The following PCSK5 variants were observed in gnomAD, a reference collection of about 807,000 sequenced individuals.
PCSK5 encodes proprotein convertase subtilisin/kexin type 5, also known as prohormone convertase 5.
A neutral mutation model predicts 233.2 loss-of-function variants in PCSK5; 129 were observed. The observed-to-expected ratio is 0.55, with a 90% confidence interval of 0.48 to 0.64. The LOEUF (loss-of-function observed/expected upper bound fraction) is 0.64, where lower values mean the gene tolerates loss of function less well. Among genes scored for constraint, PCSK5 ranks in the 30% least tolerant of loss-of-function variants. The pLI is 0.00. For synonymous variants in PCSK5, 825 were observed against 879.2 expected, an observed-to-expected ratio of 0.94 and a Z score of 1.09; for missense variants, 2,076 against 2,430.1, an observed-to-expected ratio of 0.85 and a Z score of 3.06.
chr9:76,092,836 C>T (rs906514303), intron 7 of PCSK5, among the ~76,000 whole-genome samples: 12 of 152,126 alleles, frequency 7.9e-5, no homozygotes, highest in Admixed American at 7.9e-4. Context: ...CCCCTTTTGG[C>T]CATAACATTA....
At position 76,362,367 on chromosome 9, in the gene PCSK5, A is replaced by C. The variant is rs1830443710; in HGVS notation, c.*3445A>C. The C allele has an allele frequency of 6.6e-6, 1 of 152,236 alleles. No homozygotes were observed. The highest frequency in any genetic ancestry group is 6.5e-5 in the Admixed American group (1 of 15,284). 9.4% of individuals were successfully genotyped at this position (152,236 alleles called of 1,614,324 possible). ...TAATGCTATGGAGACTTACTTATTA[A>C]ATAACTTTCTGAGCATTTTTATGTG... On this transcript the variant is annotated 3_prime_UTR_variant, in exon 38 of 38. Coordinates refer to ENST00000674117, the MANE Select transcript of PCSK5 (RefSeq NM_001372043.1).
At chr9:76,145,095 A>G (rs1823392397) in intron 10 of PCSK5, among the ~76,000 whole-genome samples, 1 of 152,200 alleles carries the variant, frequency 6.6e-6, no homozygotes, top group Non-Finnish European at 1.5e-5. Context: ...GCTGCACTCC[A>G]GTCTGAGCGA....
chr9:76,190,918 C>G (rs1298238161), intron 20 of PCSK5, among the ~76,000 whole-genome samples: 25 of 152,166 alleles, frequency 1.6e-4, no homozygotes, highest in Non-Finnish European at 4.4e-5. Flanking sequence ...TAATCTGCAG[C>G]CAGGTTTGAG....
At chr9:76,341,536 C>T (rs1197243857) in intron 35 of PCSK5, among the ~76,000 whole-genome samples, 1 of 152,172 alleles carries the variant, frequency 6.6e-6, no homozygotes, top group South Asian at 2.1e-4. Context: ...TCAAGCAATC[C>T]TCCCATCTTG....
intron 30 of PCSK5, among the ~76,000 whole-genome samples, chr9:76,313,517 A>G (rs1429664253): frequency 6.6e-6 from 1 of 152,080 alleles, no homozygotes; most frequent in Non-Finnish European, 1.5e-5. Context: ...CATTTCCTAT[A>G]AATGGGATTA....
intron 1 of PCSK5, among the ~76,000 whole-genome samples, chr9:75,913,591 TTTTTAGATATAG>T (rs1382449650): frequency 6.6e-6 from 1 of 152,192 alleles, no homozygotes; most frequent in East Asian, 1.9e-4. Context: ...TTCCAATGAG[TTTTTAGATATAG>T]TTTTGTGCCC....
rs553383825 is a variant in PCSK5 at position 75,920,571 on chromosome 9, A to G, written c.193-11808A>G. Among the ~76,000 whole-genome samples, 31 of 152,194 alleles carry G rather than the reference A, an allele frequency of 2.0e-4. No homozygotes were observed. In the South Asian group the frequency reaches 5.2e-3, roughly 25 times the overall value. On this transcript the variant is annotated intron_variant, in intron 1 of 37. Transcript: ENST00000674117. ...TGTAGTCCCAGCACTTTGGGAGGCC[A>G]AGCTGGGAGGATTGCCTGAGCTCAG...
chr9:76,317,292 G>A (rs1449163036), intron 30 of PCSK5, among the ~76,000 whole-genome samples: 2 of 152,136 alleles, frequency 1.3e-5, no homozygotes, highest in South Asian at 4.1e-4. Context: ...CAACCCAGGA[G>A]GTAGAGGTTG....
chr9:76,240,959 G>A (rs142172457), intron 24 of PCSK5, among the ~76,000 whole-genome samples: 18 of 152,294 alleles, frequency 1.2e-4, no homozygotes, highest in Non-Finnish European at 2.1e-4. Flanking sequence ...TGAGTTGTTG[G>A]GGCTTACTGA....
intron 12 of PCSK5, among the ~76,000 whole-genome samples, chr9:76,168,196 G>A (rs942906730): frequency 7.9e-5 from 12 of 152,142 alleles, no homozygotes; most frequent in Non-Finnish European, 1.8e-4. Flanking sequence ...CTGTCATCCA[G>A]GCTGGAGTGC....
At chr9:76,322,033 T>C (rs546920029) in intron 31 of PCSK5, among the ~76,000 whole-genome samples, 2 of 152,254 alleles carry the variant, frequency 1.3e-5, no homozygotes, top group Admixed American at 6.5e-5. Context: ...CACTGCAACT[T>C]CTGCCTCCCA....
At chr9:76,010,213 T>C (rs1391208172) in intron 3 of PCSK5, among the ~76,000 whole-genome samples, 1 of 152,210 alleles carries the variant, frequency 6.6e-6, no homozygotes, top group African/African-American at 2.4e-5. Flanking sequence ...GAAAATAGTC[T>C]GGTTCCGTAA....
rs61537466 is a variant in PCSK5 at position 75,928,596 on chromosome 9, C to CATATATATATATAT, written c.193-3753_193-3740dup. Among the ~76,000 whole-genome samples, 81 of 68,388 alleles carry CATATATATATATAT rather than the reference C, an allele frequency of 1.2e-3. 2 individuals are homozygous for CATATATATATATAT. The highest frequency in any genetic ancestry group is 2.9e-3 in the East Asian group (5 of 1,748). 44.9% of individuals were successfully genotyped at this position (68,388 alleles called of 152,430 possible). On this transcript the variant is annotated intron_variant, in intron 1 of 37. Coordinates refer to ENST00000674117, the MANE Select transcript of PCSK5 (RefSeq NM_001372043.1). ...ATAAACATGCTTTTACATATAAATACATATATATATATATATATATATATA... is the reference window on the plus strand; with the variant it reads ...ATAAACATGCTTTTACATATAAATACATATATATATATATATATATATATATATATATATATATA...
intron 10 of PCSK5, among the ~76,000 whole-genome samples, chr9:76,156,429 G>C (rs1055869559): frequency 6.6e-6 from 1 of 152,214 alleles, no homozygotes; most frequent in Non-Finnish European, 1.5e-5. Context: ...TATGCTAGAA[G>C]AAAGGTAATA....
At chr9:76,125,023 C>T (rs575353618) in intron 9 of PCSK5, among the ~76,000 whole-genome samples, 1 of 151,964 alleles carries the variant, frequency 6.6e-6, no homozygotes, top group East Asian at 1.9e-4. Flanking sequence ...TTTTTCTCAC[C>T]ACCACTTTTT....
intron 5 of PCSK5, 84 bp from the exon 6 acceptor site, chr9:76,067,871 A>G: frequency 9.3e-7 from 1 of 1,071,994 alleles, no homozygotes; most frequent in Non-Finnish European, 1.4e-6. Flanking sequence ...TACATTCTTC[A>G]CCACTCTGAG....
chr9:76,034,080 G>A (rs1202166593), intron 5 of PCSK5, among the ~76,000 whole-genome samples: 1 of 152,120 alleles, frequency 6.6e-6, no homozygotes, highest in Non-Finnish European at 1.5e-5. Flanking sequence ...TTTGATCATT[G>A]TGTAGGTTCT....
At chr9:76,053,873 C>A (rs1829724539) in intron 5 of PCSK5, among the ~76,000 whole-genome samples, 2 of 152,168 alleles carry the variant, frequency 1.3e-5, no homozygotes, top group African/African-American at 4.8e-5. Context: ...TACAGCAGCA[C>A]CCCACTACCC....
chr9:76,154,967 A>G (rs72734660), intron 10 of PCSK5, among the ~76,000 whole-genome samples: 1,800 of 152,318 alleles, frequency 0.012, 22 homozygotes, highest in Non-Finnish European at 0.018. Context: ...ATTGTTCATA[A>G]AACTTATCAA....
Sources: gnomAD v4.1 joint callset for allele counts (sites outside exome capture counted in the v4.1 genomes callset) on GRCh38, gnomAD v4.1.1 for gene constraint, MANE v1.5 for transcripts, NCBI Gene and HGNC (gene_info 2026-07-23, HGNC 2026-07-21) for gene names.